NFASC: variants seen among roughly 807,000 people sequenced by gnomAD.
The protein encoded by NFASC is neurofascin homolog.
NFASC carries 43 observed loss-of-function variants against 147.5 expected under a neutral mutation model. The observed-to-expected ratio is 0.29, with a 90% confidence interval of 0.23 to 0.38. NFASC has a LOEUF of 0.38. Ranked by LOEUF, NFASC falls within the 10% of genes least tolerant of loss-of-function variation. NFASC has a pLI of 1.00. For synonymous variants in NFASC, 622 were observed against 665.5 expected, an observed-to-expected ratio of 0.93 and a Z score of 1.01; for missense variants, 1,320 against 1,689.0, an observed-to-expected ratio of 0.78 and a Z score of 3.83.
chr1:204,964,219 CAT>C (rs2094830144), intron 8 of NFASC, among the ~76,000 whole-genome samples: 2 of 152,218 alleles, frequency 1.3e-5, no homozygotes, highest in Admixed American at 1.3e-4. Context: ...TTACCTGTCT[CAT>C]AGGATTGTTG....
At position 205,015,515 on chromosome 1, in the gene NFASC, C is replaced by T. The variant is rs1292504924; in HGVS notation, c.3492-793C>T. The stretch of plus-strand genomic sequence containing the variant: ...ATCCCAACTGGGTGGCTGTTCCCAG[C>T]GGCCCGTGCAGCTTTACTCGGCAGC... On this transcript the variant is annotated intron_variant, in intron 29 of 29. Transcript: ENST00000339876. The surrounding 1 kb of genome is among the most constrained non-coding windows in gnomAD (Gnocchi z 4.0). Among the ~76,000 whole-genome samples, 1 of 152,170 alleles carries T rather than the reference C, an allele frequency of 6.6e-6. No individual in the cohort carries two copies. The highest frequency in any genetic ancestry group is 6.5e-5 in the Admixed American group (1 of 15,276).
chr1:204,912,177 T>C (rs142917487), intron 1 of NFASC, among the ~76,000 whole-genome samples: 40 of 151,918 alleles, frequency 2.6e-4, no homozygotes, highest in African/African-American at 9.4e-4. Flanking sequence ...TTTTAGGTTT[T>C]GGGGTGGGAG....
chr1:204,997,078 A>C (rs1406919276), intron 24 of NFASC, 92 bp from the exon 25 acceptor site: 17 of 1,542,776 alleles, frequency 1.1e-5, no homozygotes, highest in Non-Finnish European at 1.4e-5. Context: ...CCGTCTCCTC[A>C]CCGGGCTGCC....
rs2096401286 is a variant in NFASC at position 205,021,644 on chromosome 1, G to A, written c.*5105G>A. On this transcript the variant is annotated 3_prime_UTR_variant, in exon 30 of 30. Transcript: ENST00000339876. ...CCTTCTGACTCCTTGTCCAGTCAGTGTTCTTTCATCTCACCACAGCTGCCT... is the reference window on the plus strand; with the variant it reads ...CCTTCTGACTCCTTGTCCAGTCAGTATTCTTTCATCTCACCACAGCTGCCT... The A allele has an allele frequency of 1.3e-5, 2 of 153,530 alleles. No individual in the cohort carries two copies. Among genetic ancestry groups the A allele is most frequent in the Admixed American group, 1.3e-4 (2 of 15,290 alleles). The allele number at this position is 153,530 out of a possible 1,614,324, so 9.5% of individuals were successfully genotyped here. A position where few individuals can be genotyped will look rare whatever the true frequency, so the allele number is the denominator to read the frequency against.
Position 204,959,464 on chromosome 1 carries a change from G to A in NFASC, c.706+1638G>A, listed in dbSNP as rs1003254219. On this transcript the variant is annotated intron_variant, in intron 8 of 29. Coordinates refer to ENST00000339876, the MANE Select transcript of NFASC (RefSeq NM_001005388.3). ...AGGGTGACTGCCTGCCAGCTGGCTG[G>A]GCTGGGAAGGACAGTGTAGTCTGCC... Among the ~76,000 whole-genome samples, 6 of 152,232 alleles carry A rather than the reference G, an allele frequency of 3.9e-5. No individual in the cohort carries two copies. The South Asian group carries it at 6.2e-4, about 16-fold the overall frequency.
chr1:204,973,257 GTC>G lies in NFASC; in HGVS notation c.1136-15_1136-14del, dbSNP rs1558312474. 2 of 1,613,516 alleles carry G rather than the reference GTC, an allele frequency of 1.2e-6. No individual in the cohort carries two copies. The highest frequency in any genetic ancestry group is 1.3e-5 in the African/African-American group (1 of 74,924). On this transcript the variant is annotated splice_polypyrimidine_tract_variant and intron_variant, in intron 11 of 29. Coordinates refer to ENST00000339876, the MANE Select transcript of NFASC (RefSeq NM_001005388.3). ...GCCCTCCCCATCTCTCATGAGGAGC[GTC>G]TCTTTCTTGTCTGTAGCGGCACCAC...
At chr1:204,870,617 C>A in intron 1 of NFASC, 1 of 981,120 alleles carries the variant, frequency 1.0e-6, no homozygotes, top group Non-Finnish European at 1.2e-6. Flanking sequence ...CACAGCCTGG[C>A]TTGTGTCATG....
intron 1 of NFASC, among the ~76,000 whole-genome samples, chr1:204,888,490 C>T (rs1282776620): frequency 6.6e-6 from 1 of 152,162 alleles, no homozygotes; most frequent in African/African-American, 2.4e-5. Flanking sequence ...AACTAACTGT[C>T]CTTCTAGGGT....
chr1:204,915,139 G>A (rs1189851586), intron 1 of NFASC, among the ~76,000 whole-genome samples: 8 of 152,102 alleles, frequency 5.3e-5, no homozygotes, highest in African/African-American at 1.4e-4. Context: ...AATTAGCCGG[G>A]CGTGGTGGTG....
At chr1:204,926,463 G>A (rs1289492009) in intron 2 of NFASC, among the ~76,000 whole-genome samples, 1 of 136,336 alleles carries the variant, frequency 7.3e-6, no homozygotes, top group African/African-American at 2.8e-5. Flanking sequence ...GTTCAGGCTG[G>A]AGTGCAGTGG....
intron 1 of NFASC, among the ~76,000 whole-genome samples, chr1:204,845,427 C>T (rs1676722097): frequency 2.0e-5 from 3 of 151,906 alleles, no homozygotes; most frequent in Admixed American, 2.0e-4. Context: ...CACTGCACTC[C>T]AGCCTGGGCG....
At chr1:204,844,868 G>T (rs1266907376) in intron 1 of NFASC, among the ~76,000 whole-genome samples, 1 of 152,130 alleles carries the variant, frequency 6.6e-6, no homozygotes, top group East Asian at 1.9e-4. Flanking sequence ...GTGTCTCTTT[G>T]TTGTGCTTAT....
chr1:204,870,826 G>T (rs150609418), intron 1 of NFASC: 6 of 1,179,562 alleles, frequency 5.1e-6, no homozygotes, highest in Non-Finnish European at 6.4e-6. Context: ...GTGGCCGATG[G>T]GGGTGACAAG....
rs2095392147 is a variant in NFASC, at chr1:204,975,928, G to A, written c.1706+510G>A. On this transcript the variant is annotated intron_variant, in intron 15 of 29. Coordinates refer to ENST00000339876, the MANE Select transcript of NFASC (RefSeq NM_001005388.3). The surrounding 1 kb of genome is among the most constrained non-coding windows in gnomAD (Gnocchi z 4.0). ...CAGACCCTGATTTCATTGGTGTAGG[G>A]TAGGACTTAGGACACTGGCAGGGTT... Among the ~76,000 whole-genome samples, 1 of 152,122 alleles carries A rather than the reference G, an allele frequency of 6.6e-6. No individual in the cohort carries two copies. The highest frequency in any genetic ancestry group is 2.4e-5 in the African/African-American group (1 of 41,412).
chr1:204,948,879 A>T (rs941434978), intron 3 of NFASC, among the ~76,000 whole-genome samples: 1 of 152,216 alleles, frequency 6.6e-6, no homozygotes, highest in South Asian at 2.1e-4. Context: ...GGCCAAGGGG[A>T]GCGGGTCCCA....
intron 3 of NFASC, among the ~76,000 whole-genome samples, chr1:204,946,055 A>T (rs1427657117): frequency 6.6e-6 from 1 of 152,156 alleles, no homozygotes; most frequent in Non-Finnish European, 1.5e-5. Flanking sequence ...AGACACCCCA[A>T]GCAGTCAGGC....
intron 1 of NFASC, among the ~76,000 whole-genome samples, chr1:204,864,639 AC>A (rs577218376): frequency 1.3e-5 from 2 of 152,320 alleles, no homozygotes; most frequent in East Asian, 3.9e-4. Context: ...ATGATATTGA[AC>A]ATCTTTTCAT....
At position 204,979,254 on chromosome 1, in the gene NFASC, G is replaced by T. The variant is rs2150420280; in HGVS notation, c.1979-108G>T. 1.9e-6 allele frequency: 2 copies of T among 1,062,778 alleles called. No individual in the cohort carries two copies. Among genetic ancestry groups the T allele is most frequent in the East Asian group, 4.8e-5 (2 of 41,610 alleles). 65.8% of individuals were successfully genotyped at this position (1,062,778 alleles called of 1,614,324 possible). A position where few individuals can be genotyped will look rare whatever the true frequency, so the allele number is the denominator to read the frequency against. ...TGGGAAGAATTCTCCTTGTGCCTTT[G>T]TGTGAGAGAGATTATAAAGATCAAT... On this transcript the variant is annotated intron_variant, in intron 18 of 29. Coordinates refer to ENST00000339876, the MANE Select transcript of NFASC (RefSeq NM_001005388.3). This position sits in a 1 kb window ranked among gnomAD's most constrained non-coding sequence, Gnocchi z 6.0.
At chr1:204,943,288 A>G (rs1456898633) in intron 2 of NFASC, among the ~76,000 whole-genome samples, 1 of 152,232 alleles carries the variant, frequency 6.6e-6, no homozygotes, top group African/African-American at 2.4e-5. Context: ...GCTGTAGGCC[A>G]TTCTTGCTCT....
Sources: allele counts gnomAD v4.1 joint callset (sites outside exome capture counted in the v4.1 genomes callset), GRCh38; gene constraint gnomAD v4.1.1; non-coding constraint Gnocchi (gnomAD v3.1); transcripts MANE v1.5; gene names NCBI Gene and HGNC (gene_info 2026-07-23, HGNC 2026-07-21).